PRPF38A: variants seen among roughly 807,000 people sequenced by gnomAD.
The protein encoded by PRPF38A is pre-mRNA processing factor 38A.
In PRPF38A, 11 loss-of-function variants were observed where a neutral mutation model predicts 46.8. The ratio of observed to expected loss-of-function variants is 0.24; its 90% CI spans 0.15 to 0.39. The LOEUF is 0.39. PRPF38A is among the 10% of genes least tolerant of loss of function. PRPF38A has a pLI of 1.00. For synonymous variants in PRPF38A, 124 were observed against 136.2 expected (o/e 0.91, Z 0.62); for missense variants, 261 against 407.5 (o/e 0.64, Z 3.10).
At position 52,419,908 on chromosome 1, in the gene PRPF38A, G is replaced by C. The variant is rs1222912767; in HGVS notation, c.*3218G>C. 2 of 152,264 alleles carry C rather than the reference G, an allele frequency of 1.3e-5. No homozygotes were observed. The highest frequency in any genetic ancestry group is 2.9e-5 in the Non-Finnish European group (2 of 68,136). 9.4% of individuals were successfully genotyped at this position (152,264 alleles called of 1,614,324 possible). A position where few individuals can be genotyped will look rare whatever the true frequency, so the allele number is the denominator to read the frequency against. ...ACTAAAAATACAAAAAATTAGCTGG[G>C]TGTGCTGGCGGGTAGAGCTACTAGG... On this transcript the variant is annotated 3_prime_UTR_variant, in exon 10 of 10. Coordinates refer to ENST00000257181, the MANE Select transcript of PRPF38A (RefSeq NM_032864.4).
chr1:52,419,858 G>A lies in PRPF38A; in HGVS notation c.*3168G>A, dbSNP rs1289105684. ...GAGGTCAGGAGATCGAGACCATCCA[G>A]GCTAACACAGTGAAACCCGTCTCTA... On this transcript the variant is annotated 3_prime_UTR_variant, in exon 10 of 10. Transcript: ENST00000257181. The A allele has an allele frequency of 6.6e-6, 1 of 152,258 alleles. No individual in the cohort carries two copies. Among genetic ancestry groups the A allele is most frequent in the Non-Finnish European group, 1.5e-5 (1 of 68,122 alleles). 9.4% of individuals were successfully genotyped at this position (152,258 alleles called of 1,614,324 possible). A position where few individuals can be genotyped will look rare whatever the true frequency, so the allele number is the denominator to read the frequency against.
At chr1:52,411,062 G>A in intron 3 of PRPF38A, 53 bp from the exon 4 acceptor site, 2 of 1,311,714 alleles carry the variant, frequency 1.5e-6, no homozygotes, top group Non-Finnish European at 1.1e-6. Context: ...TTACTTTTTG[G>A]CATCTAAATC....
chr1:52,411,077 A>C, intron 3 of PRPF38A, 38 bp from the exon 4 acceptor site: 1 of 1,486,658 alleles, frequency 6.7e-7, no homozygotes, highest in Non-Finnish European at 9.4e-7. Context: ...TAAATCTTTT[A>C]TTTCCAGGTT....
Position 52,404,618 on chromosome 1 carries a change from G to A in PRPF38A, c.-132G>A. 4.1e-6 allele frequency: 4 copies of A among 975,742 alleles called. No homozygotes were observed. The highest frequency in any genetic ancestry group is 1.7e-5 in the South Asian group (1 of 59,810). 60.4% of individuals were successfully genotyped at this position (975,742 alleles called of 1,614,324 possible). On this transcript the variant is annotated 5_prime_UTR_variant, in exon 1 of 10. Transcript: ENST00000257181. ...AAGCCCTTTACACTACGGTGTTTCCGGCTTCAAGATGGTCGCCTAAGCTGT... is the reference window on the plus strand; with the variant it reads ...AAGCCCTTTACACTACGGTGTTTCCAGCTTCAAGATGGTCGCCTAAGCTGT...
At position 52,420,148 on chromosome 1, in the gene PRPF38A, C is replaced by T. The variant is rs560427535; in HGVS notation, c.*3458C>T. The stretch of plus-strand genomic sequence containing the variant: ...GAGAAAAAGTGCCAGGAATTTTATA[C>T]TTTGCCAAAGTTGTCTTAAAATACA... On this transcript the variant is annotated 3_prime_UTR_variant, in exon 10 of 10. Transcript: ENST00000257181. 6.6e-6 allele frequency: 1 copy of T among 152,340 alleles called. No homozygotes were observed. Among genetic ancestry groups the T allele is most frequent in the South Asian group, 2.1e-4 (1 of 4,828 alleles). 9.4% of individuals were successfully genotyped at this position (152,340 alleles called of 1,614,324 possible).
Position 52,415,220 on chromosome 1 carries a change from T to C in PRPF38A, c.848-118T>C, listed in dbSNP as rs1472986357. On this transcript the variant is annotated intron_variant, in intron 8 of 9. Transcript: ENST00000257181. ...ATTCAGAGTTGCTTCCACTAAGAGG[T>C]GTCCCCTGCATAGGCCAAAAGAATA... 1.4e-5 allele frequency: 13 copies of C among 939,490 alleles called. No homozygotes were observed. In the African/African-American group the frequency reaches 1.7e-4, roughly 12 times the overall value. The allele number at this position is 939,490 out of a possible 1,614,324, so 58.2% of individuals were successfully genotyped here. A position where few individuals can be genotyped will look rare whatever the true frequency, so the allele number is the denominator to read the frequency against.
In PRPF38A at chr1:52,419,901, T is replaced by A. The variant is rs1267356592; in HGVS notation, c.*3211T>A. On this transcript the variant is annotated 3_prime_UTR_variant, in exon 10 of 10. Coordinates refer to ENST00000257181, the MANE Select transcript of PRPF38A (RefSeq NM_032864.4). ...CGTCTCTACTAAAAATACAAAAAAT[T>A]AGCTGGGTGTGCTGGCGGGTAGAGC... 5 of 152,066 alleles carry A rather than the reference T, an allele frequency of 3.3e-5. No homozygotes were observed. Among genetic ancestry groups the A allele is most frequent in the Non-Finnish European group, 7.3e-5 (5 of 68,064 alleles). 9.4% of individuals were successfully genotyped at this position (152,066 alleles called of 1,614,324 possible).
At chr1:52,410,613 T>C (rs1648122081) in intron 3 of PRPF38A, among the ~76,000 whole-genome samples, 1 of 151,920 alleles carries the variant, frequency 6.6e-6, no homozygotes, top group Admixed American at 6.5e-5. Context: ...ATAATTCTCC[T>C]GCCTCAGCCT....
rs532455739 is a variant in PRPF38A at position 52,405,944 on chromosome 1, T to C, written c.290+105T>C. On this transcript the variant is annotated intron_variant, in intron 2 of 9. Coordinates refer to ENST00000257181, the MANE Select transcript of PRPF38A (RefSeq NM_032864.4). ...CACAATGTATCTCATTTCTAGAGAG[T>C]TCCACTCCAGATTTTTGCTTTTGAG... 6.0e-5 allele frequency: 58 copies of C among 959,538 alleles called. No homozygotes were observed. In the African/African-American group the frequency reaches 9.4e-4, roughly 16 times the overall value. 59.4% of individuals were successfully genotyped at this position (959,538 alleles called of 1,614,324 possible).
At chr1:52,410,228 G>A (rs1648109602) in intron 3 of PRPF38A, among the ~76,000 whole-genome samples, 1 of 148,236 alleles carries the variant, frequency 6.7e-6, no homozygotes, top group Middle Eastern at 3.6e-3. Flanking sequence ...CTTGAACCCG[G>A]GAGGCGGAGG....
In PRPF38A at chr1:52,420,582, A is replaced by G. The variant is rs915912088; in HGVS notation, c.*3892A>G. Reference sequence around the variant, plus strand: ...GGGGAAAAAAGTATTTAAATTGAGCATTTTTTCAGTTTCACACTTGTTTTC... The same window carrying G: ...GGGGAAAAAAGTATTTAAATTGAGCGTTTTTTCAGTTTCACACTTGTTTTC... On this transcript the variant is annotated 3_prime_UTR_variant, in exon 10 of 10. Coordinates refer to ENST00000257181, the MANE Select transcript of PRPF38A (RefSeq NM_032864.4). The G allele has an allele frequency of 6.6e-6, 1 of 152,056 alleles. No homozygotes were observed. Among genetic ancestry groups the G allele is most frequent in the Non-Finnish European group, 1.5e-5 (1 of 67,988 alleles). 9.4% of individuals were successfully genotyped at this position (152,056 alleles called of 1,614,324 possible).
In PRPF38A at chr1:52,412,270, T is replaced by C. The variant is rs954251871; in HGVS notation, c.499-244T>C. Among the ~76,000 whole-genome samples the C allele has an allele frequency of 2.6e-5, 4 of 152,324 alleles. No individual in the cohort carries two copies. In the East Asian group the frequency reaches 7.7e-4, roughly 29 times the overall value. ...ATACTGATTGATATTCCCATGACTT[T>C]AGAGTATAAGGTACAGGGAATAGAG... On this transcript the variant is annotated intron_variant, in intron 4 of 9. Transcript: ENST00000257181.
At chr1:52,413,392 A>T (rs1648203815) in intron 5 of PRPF38A, among the ~76,000 whole-genome samples, 1 of 152,014 alleles carries the variant, frequency 6.6e-6, no homozygotes, top group Non-Finnish European at 1.5e-5. Context: ...CAAGCTGCCC[A>T]GTTGTTCCAG....
rs763715282 is a variant in PRPF38A, at chr1:52,413,958, G to A, written c.689G>A (p.Arg230His). Residue 230 changes from arginine to histidine, a missense_variant, in exon 6 of 10, where the codon CGC (arginine) becomes CAC (histidine). This residue lies in a region of PRPF38A where 180 missense variants were observed against 221.0 expected (regional missense o/e 0.81). Transcript: ENST00000257181. Reference sequence around the variant, plus strand: ...AAGCCCCGTCGCTCTCCCACACTGCGCTACAGGAGGAGTAGGAGCCGGTCT... The same window carrying A: ...AAGCCCCGTCGCTCTCCCACACTGCACTACAGGAGGAGTAGGAGCCGGTCT... ...LDKPRRSPTL[R>H]YRRSRSRSPR... 6.8e-6 allele frequency: 11 copies of A among 1,613,662 alleles called. No homozygotes were observed. Among genetic ancestry groups the A allele is most frequent in the Admixed American group, 6.7e-5 (4 of 59,990 alleles).
intron 8 of PRPF38A, 127 bp downstream of exon 8, chr1:52,414,986 T>A: frequency 4.8e-6 from 4 of 831,786 alleles, no homozygotes; most frequent in Non-Finnish European, 7.6e-6. Context: ...ACATAGAATT[T>A]GAAAATTAAG....
rs768161235 is a variant in PRPF38A at position 52,412,549 on chromosome 1, G to A, written c.534G>A (p.Glu178=). The change falls in exon 5 of 10, where the codon GAG becomes GAA. Residue 178 remains glutamate, a synonymous_variant. Transcript: ENST00000257181. ...TATTAGAGGAAGCTGAGCAACTGGA[G>A]CCTCGAGTTAGTGCTCTGGAAGAGG... The part of the protein sequence containing the change: ...RYVLEEAEQL[E]PRVSALEEDM... 22 of 1,613,672 alleles carry A rather than the reference G, an allele frequency of 1.4e-5. No homozygotes were observed. In the Admixed American group the frequency reaches 3.5e-4, roughly 26 times the overall value.
intron 3 of PRPF38A, chr1:52,409,368 T>C (rs1283759773): frequency 2.0e-5 from 3 of 152,336 alleles, no homozygotes; most frequent in Non-Finnish European, 1.5e-5. Flanking sequence ...CCCAGCACTT[T>C]AGGAGGCCAA....
At chr1:52,414,273 C>G (rs574726649) in intron 6 of PRPF38A, among the ~76,000 whole-genome samples, 10 of 152,256 alleles carry the variant, frequency 6.6e-5, no homozygotes, top group Admixed American at 1.3e-4. Flanking sequence ...ATGGAATTGC[C>G]TTAGCTTGGA....
intron 3 of PRPF38A, among the ~76,000 whole-genome samples, chr1:52,409,969 A>G (rs1430785026): frequency 6.6e-6 from 1 of 151,944 alleles, no homozygotes; most frequent in Non-Finnish European, 1.5e-5. Context: ...CCCCAGAAGT[A>G]AGGTAATGTT....
Sources: gnomAD v4.1 joint callset for allele counts (sites outside exome capture counted in the v4.1 genomes callset) on GRCh38, gnomAD v4.1.1 for gene constraint, gnomAD v4.1.1 regional missense constraint, MANE v1.5 for transcripts, NCBI Gene and HGNC (gene_info 2026-07-23, HGNC 2026-07-21) for gene names.